ZNF417: variants seen among roughly 807,000 people sequenced by gnomAD.
ZNF417 encodes zinc finger protein 417.
In ZNF417, 5 loss-of-function variants were observed where a neutral mutation model predicts 7.4. The ratio of observed to expected loss-of-function variants is 0.68; its 90% CI spans 0.35 to 1.43. The LOEUF is 1.43. ZNF417 is among the 40% of genes most tolerant of loss of function. The pLI, the probability that ZNF417 is intolerant of heterozygous loss-of-function variation, is 0.04. For missense variants in ZNF417, 437 were observed against 697.3 expected, an observed-to-expected ratio of 0.63 and a Z score of 4.20; for synonymous variants, 147 against 239.1, an observed-to-expected ratio of 0.61 and a Z score of 3.55.
Position 57,916,555 on chromosome 19 carries a change from TG to T in ZNF417, c.-145del. 2.0e-6 allele frequency: 3 copies of T among 1,511,508 alleles called. No individual in the cohort carries two copies. Among genetic ancestry groups the T allele is most frequent in the Non-Finnish European group, 2.7e-6 (3 of 1,131,774 alleles). The allele number at this position is 1,511,508 out of a possible 1,614,324, so 93.6% of individuals were successfully genotyped here. ...CCCCCAGCACTCAGGGGCCACAAAC[TG>T]GGGAAACACCCGCGTCACCGATACA... is the stretch of plus-strand genomic sequence containing the variant. On this transcript the variant is annotated 5_prime_UTR_variant, in exon 1 of 3. Transcript: ENST00000312026.
chr19:57,915,469 T>G (rs748735084), intron 1 of ZNF417: 32 of 491,818 alleles, frequency 6.5e-5, no homozygotes, highest in Non-Finnish European at 1.0e-4. Context: ...CTGTGCTTGT[T>G]GCTCTCCCCA....
rs1270670120 is a variant in ZNF417 at position 57,905,878 on chromosome 19, G to A, written c.*2672C>T. ...TAACTTCATAAGAGAATTAACAAAA[G>A]TTGTATTAATTCAAGACAAGAGCCT... is the stretch of plus-strand genomic sequence containing the variant. On this transcript the variant is annotated 3_prime_UTR_variant, in exon 3 of 3. Transcript: ENST00000312026. Among the ~76,000 whole-genome samples the A allele has an allele frequency of 6.6e-6, 1 of 152,170 alleles. No individual in the cohort carries two copies. The highest frequency in any genetic ancestry group is 1.5e-5 in the Non-Finnish European group (1 of 68,030).
Position 57,912,077 on chromosome 19 carries a change from G to C in ZNF417, c.146C>G (p.Ala49Gly). Residue 49 changes from alanine (A) to glycine (G), a missense_variant, in exon 2 of 3, where the codon GCT becomes GGT. Coordinates refer to ENST00000312026, the MANE Select transcript of ZNF417 (RefSeq NM_152475.3). ...CAACTTACCCAGCGAGGATATGAGA[G>C]CCAGGTTCTCTAGCATCACATCACG... ...LYRDVMLENL[A>G]LISSLGCWCG... is the part of the protein sequence containing the mutation. The C allele has an allele frequency of 6.3e-7, 1 of 1,590,944 alleles. No individual in the cohort carries two copies. The highest frequency in any genetic ancestry group is 8.6e-7 in the Non-Finnish European group (1 of 1,166,116).
At chr19:57,914,871 C>T (rs1267968561) in intron 1 of ZNF417, among the ~76,000 whole-genome samples, 3 of 152,204 alleles carry the variant, frequency 2.0e-5, no homozygotes, top group Non-Finnish European at 4.4e-5. Flanking sequence ...TTTAGAGATT[C>T]TCCAGGGTCC....
Position 57,908,430 on chromosome 19 carries a change from G to C in ZNF417, c.*120C>G, listed in dbSNP as rs377026254. 5.9e-5 allele frequency: 92 copies of C among 1,557,284 alleles called. No individual in the cohort carries two copies. In the African/African-American group the frequency reaches 6.4e-4, roughly 11 times the overall value. ...ATGCGAAGTCTCTTAAGACCAAGGA[G>C]AGCAGACATTCTGATGTTTCCCAGA... is the stretch of plus-strand genomic sequence containing the variant. On this transcript the variant is annotated 3_prime_UTR_variant, in exon 3 of 3. Coordinates refer to ENST00000312026, the MANE Select transcript of ZNF417 (RefSeq NM_152475.3).
Position 57,916,592 on chromosome 19 carries a change from T to C in ZNF417, c.-181A>G. On this transcript the variant is annotated 5_prime_UTR_variant, in exon 1 of 3. Transcript: ENST00000312026. The stretch of plus-strand genomic sequence containing the variant: ...CGCGTCACCGATACACAGCCGCTAC[T>C]AGAGACCCCGGAAGTCTCAGCCTTA... The C allele has an allele frequency of 6.9e-7, 1 of 1,459,146 alleles. No homozygotes were observed. The highest frequency in any genetic ancestry group is 9.0e-7 in the Non-Finnish European group (1 of 1,109,426). The allele number at this position is 1,459,146 out of a possible 1,614,324, so 90.4% of individuals were successfully genotyped here.
At chr19:57,912,956 C>T (rs1229685290) in intron 1 of ZNF417, among the ~76,000 whole-genome samples, 1 of 151,738 alleles carries the variant, frequency 6.6e-6, no homozygotes, top group Non-Finnish European at 1.5e-5. Context: ...GTATAACGGC[C>T]CATGATTCCC....
At chr19:57,911,987 A>G in intron 2 of ZNF417, 73 bp downstream of exon 2, 2 of 1,521,800 alleles carry the variant, frequency 1.3e-6, no homozygotes, top group Non-Finnish European at 1.8e-6. Flanking sequence ...AGTGAGAAAG[A>G]CAGTCCTGTC....
chr19:57,908,910 T>G lies in ZNF417; in HGVS notation c.1368A>C (p.Arg456Ser), dbSNP rs1002313672. The stretch of plus-strand genomic sequence containing the variant: ...CATATGGCCTTTCTCCAGTGTGAAC[T>G]CTCTCATGAACGAGAAGATGATACT... The part of the protein sequence containing the change: ...NRKYHLLVHE[R>S]VHTGERPYAC... Residue 456 changes from arginine to serine, a missense_variant, in exon 3 of 3, where the codon AGA (arginine) becomes AGC (serine). By Grantham distance (110) the Arg-to-Ser change is moderately radical. Coordinates refer to ENST00000312026, the MANE Select transcript of ZNF417 (RefSeq NM_152475.3). The G allele has an allele frequency of 1.2e-6, 2 of 1,612,524 alleles. No individual in the cohort carries two copies. Among genetic ancestry groups the G allele is most frequent in the Non-Finnish European group, 1.7e-6 (2 of 1,179,536 alleles).
chr19:57,908,874 T>C lies in ZNF417; in HGVS notation c.1404A>G (p.Val468=), dbSNP rs2071863531. The C allele has an allele frequency of 1.2e-6, 2 of 1,614,224 alleles. No homozygotes were observed. Among genetic ancestry groups the C allele is most frequent in the Non-Finnish European group, 1.7e-6 (2 of 1,180,044 alleles). ...HTGERPYACE[V]CGKLFGNKNC... is the part of the protein sequence containing the mutation. The stretch of plus-strand genomic sequence containing the variant: ...TCTTATTACCAAATAATTTCCCACA[T>C]ACCTCACACGCATATGGCCTTTCTC... Residue 468 remains valine, a synonymous_variant, in exon 3 of 3, where the codon GTA becomes GTG. Transcript: ENST00000312026.
intron 1 of ZNF417, 114 bp downstream of exon 1, chr19:57,916,265 G>C: frequency 1.3e-6 from 2 of 1,591,938 alleles, no homozygotes; most frequent in South Asian, 1.1e-5. Context: ...GAGCGCCTCA[G>C]TGTTCCTACG....
In ZNF417 at chr19:57,905,882, T is replaced by C. The variant is rs1230618570; in HGVS notation, c.*2668A>G. 6.6e-6 allele frequency among the ~76,000 whole-genome samples: 1 copy of C among 152,240 alleles called. No individual in the cohort carries two copies. The highest frequency in any genetic ancestry group is 1.5e-5 in the Non-Finnish European group (1 of 68,046). ...TTCATAAGAGAATTAACAAAAGTTG[T>C]ATTAATTCAAGACAAGAGCCTGCAG... On this transcript the variant is annotated 3_prime_UTR_variant, in exon 3 of 3. Coordinates refer to ENST00000312026, the MANE Select transcript of ZNF417 (RefSeq NM_152475.3).
In ZNF417 at chr19:57,908,605, T is replaced by A; in HGVS notation, c.1673A>T (p.Gln558Leu). 1 of 1,613,994 alleles carries A rather than the reference T, an allele frequency of 6.2e-7. No individual in the cohort carries two copies. Among genetic ancestry groups the A allele is most frequent in the South Asian group, 1.1e-5 (1 of 90,950 alleles). Reference sequence around the variant, plus strand: ...ATGATGAAGGAGGGTAGAGCTTCGCTGAAATGTTTTTCCACATTTGGTACA... The same window carrying A: ...ATGATGAAGGAGGGTAGAGCTTCGCAGAAATGTTTTTCCACATTTGGTACA... The part of the protein sequence containing the change: ...YECTKCGKTF[Q>L]RSSTLLHHQS... The change falls in exon 3 of 3, where the codon CAG becomes CTG. Residue 558 changes from glutamine to leucine, a missense_variant. Physicochemically the swap from Gln to Leu is moderately radical, Grantham distance 113. Coordinates refer to ENST00000312026, the MANE Select transcript of ZNF417 (RefSeq NM_152475.3).
rs140860830 is a variant in ZNF417, at chr19:57,916,379, C to G, written c.33G>C (p.Gln11His). 5.0e-6 allele frequency: 8 copies of G among 1,614,088 alleles called. No homozygotes were observed. In the African/African-American group the frequency reaches 9.3e-5, roughly 19 times the overall value. Residue 11 changes from glutamine to histidine, a missense_variant and splice_region_variant, in exon 1 of 3, where the codon CAG (glutamine) becomes CAC (histidine). This residue lies in a region of ZNF417 where 57 missense variants were observed against 70.7 expected (regional missense o/e 0.81). Transcript: ENST00000312026. ...AGGGCACAGAAGGCGCCACAATTAC[C>G]TGAGTCGGGCGCCTCGGCGCAGCCG... MAAAAPRRPT[Q>H]QGTVTFEDVA... is the part of the protein sequence containing the mutation.
intron 2 of ZNF417, among the ~76,000 whole-genome samples, chr19:57,911,129 A>C (rs1018447008): frequency 6.6e-6 from 1 of 152,224 alleles, no homozygotes; most frequent in African/African-American, 2.4e-5. Context: ...ATGGTTTAAC[A>C]TAGGGCATAC....
intron 1 of ZNF417, among the ~76,000 whole-genome samples, chr19:57,914,396 G>A (rs554729926): frequency 7.1e-6 from 1 of 141,558 alleles, no homozygotes; most frequent in East Asian, 2.2e-4. Context: ...TGAGGCAGGA[G>A]AATCGCTTGA....
Position 57,914,514 on chromosome 19 carries a change from A to C in ZNF417, c.33+1865T>G, listed in dbSNP as rs556006258. On this transcript the variant is annotated intron_variant, in intron 1 of 2. Transcript: ENST00000312026. The stretch of plus-strand genomic sequence containing the variant: ...AAAAAAAAAAAAAAAAAAAAAAGAC[A>C]GAAAGAAAACCTAGCTGTCTCTTTA... 4.0e-3 allele frequency among the ~76,000 whole-genome samples: 595 copies of C among 148,914 alleles called. 3 individuals are homozygous for C. The highest frequency in any genetic ancestry group is 7.3e-3 in the Non-Finnish European group (487 of 66,984).
chr19:57,916,181 C>A (rs778335645), intron 1 of ZNF417, among the ~76,000 whole-genome samples, 198 bp downstream of exon 1: 3 of 152,258 alleles, frequency 2.0e-5, no homozygotes, highest in Non-Finnish European at 4.4e-5. Flanking sequence ...TCTGTCTAGG[C>A]AGCTGGCAAG....
chr19:57,914,509 AAGAC>A (rs2071928225), intron 1 of ZNF417, among the ~76,000 whole-genome samples: 1 of 145,320 alleles, frequency 6.9e-6, no homozygotes, highest in Non-Finnish European at 1.5e-5. Context: ...AAAAAAAAAA[AAGAC>A]AGAAAGAAAA....
Sources: gnomAD v4.1 joint callset for allele counts (sites outside exome capture counted in the v4.1 genomes callset) on GRCh38, gnomAD v4.1.1 for gene constraint, gnomAD v4.1.1 regional missense constraint, MANE v1.5 for transcripts, NCBI Gene and HGNC (gene_info 2026-07-23, HGNC 2026-07-21) for gene names.